SCN7A: variants seen among roughly 807,000 people sequenced by gnomAD.
The protein encoded by SCN7A is sodium voltage-gated channel alpha subunit 7.
In SCN7A, 138 loss-of-function variants were observed where a neutral mutation model predicts 155.2. The observed-to-expected ratio is 0.89, with a 90% CI of 0.77 to 1.02. SCN7A has a LOEUF of 1.02. SCN7A is among the 50% of genes least tolerant of loss of function. SCN7A has a pLI of 0.00. For synonymous variants in SCN7A, 693 were observed against 649.0 expected (o/e 1.07, Z -1.03); for missense variants, 2,058 against 1,986.6 (o/e 1.04, Z -0.68).
At chr2:166,461,463 A>T (rs1161302075) in intron 10 of SCN7A, among the ~76,000 whole-genome samples, 1 of 152,184 alleles carries the variant, frequency 6.6e-6, no homozygotes, top group African/African-American at 2.4e-5. Context: ...ACAGACTCTC[A>T]GAATTTGAAT....
intron 3 of SCN7A, among the ~76,000 whole-genome samples, chr2:166,476,763 C>G (rs1024872696): frequency 6.6e-6 from 1 of 152,074 alleles, no homozygotes; most frequent in Non-Finnish European, 1.5e-5. Context: ...ATCACTTTCT[C>G]TTTTCCTCCT....
At chr2:166,435,833 T>A (rs981821602) in intron 15 of SCN7A, among the ~76,000 whole-genome samples, 4 of 152,162 alleles carry the variant, frequency 2.6e-5, no homozygotes, top group African/African-American at 9.7e-5. Flanking sequence ...TTGGTTTATG[T>A]AACCAGTCAG....
At chr2:166,426,362 G>T (rs1242924342) in intron 18 of SCN7A, among the ~76,000 whole-genome samples, 1 of 152,046 alleles carries the variant, frequency 6.6e-6, no homozygotes, top group Non-Finnish European at 1.5e-5. Context: ...CCCCTAGCGG[G>T]TATTTGTGTT....
chr2:166,441,109 A>T, intron 15 of SCN7A: 2 of 423,590 alleles, frequency 4.7e-6, no homozygotes, highest in Non-Finnish European at 8.3e-6. Flanking sequence ...CATAAGGAGG[A>T]CCTACTATAT....
intron 14 of SCN7A, among the ~76,000 whole-genome samples, chr2:166,442,168 A>G (rs112967116): frequency 5.3e-4 from 81 of 152,328 alleles, no homozygotes; most frequent in African/African-American, 1.8e-3. Flanking sequence ...TGAAGGTACT[A>G]TCATGTATTT....
chr2:166,480,603 AAT>A (rs1702904141), intron 2 of SCN7A, among the ~76,000 whole-genome samples: 2 of 152,290 alleles, frequency 1.3e-5, no homozygotes, highest in Admixed American at 1.3e-4. Flanking sequence ...ATTATGATAA[AAT>A]ATAGTGATGC....
At chr2:166,455,641 T>A (rs1702257448) in intron 11 of SCN7A, among the ~76,000 whole-genome samples, 1 of 152,116 alleles carries the variant, frequency 6.6e-6, no homozygotes, top group South Asian at 2.1e-4. Context: ...CAAGCCTCAC[T>A]GTCACACAAT....
intron 21 of SCN7A, among the ~76,000 whole-genome samples, chr2:166,414,109 A>ATAAATATATATAATATATTATATATATG (rs1559088122): frequency 1.2e-5 from 1 of 84,956 alleles, no homozygotes; most frequent in Admixed American, 1.9e-4. Flanking sequence ...TATATTATAT[A>ATAAATATATATAATATATTATATATATG]TAAATATATA....
intron 17 of SCN7A, among the ~76,000 whole-genome samples, 170 bp from the exon 18 acceptor site, chr2:166,428,112 T>G (rs2105404034): frequency 6.6e-6 from 1 of 152,156 alleles, no homozygotes; most frequent in Non-Finnish European, 1.5e-5. Context: ...ACCACTGTAA[T>G]CCCTGAGCAG....
Position 166,456,910 on chromosome 2 carries a change from T to G in SCN7A, c.1250A>C (p.Gln417Pro). Residue 417 changes from glutamine (Q) to proline (P), a missense_variant, in exon 11 of 26, where the codon CAG becomes CCG. Physicochemically the swap from Gln to Pro is moderately conservative, Grantham distance 76 (BLOSUM62 -1). Transcript: ENST00000643258. Reference sequence around the variant, plus strand: ...TCCTTCTTGAAGTTCTTTTCCAGTCTGTTGAAATTTTGGTTCAATCTTCTT... The same window carrying G: ...TCCTTCTTGAAGTTCTTTTCCAGTCGGTTGAAATTTTGGTTCAATCTTCTT... ...ISKKIEPKFQ[Q>P]TGKELQEGNE... 6.4e-7 allele frequency: 1 copy of G among 1,555,694 alleles called. No individual in the cohort carries two copies. Among genetic ancestry groups the G allele is most frequent in the Non-Finnish European group, 8.7e-7 (1 of 1,148,976 alleles).
chr2:166,460,145 C>G (rs1702370082), intron 10 of SCN7A, among the ~76,000 whole-genome samples: 1 of 152,076 alleles, frequency 6.6e-6, no homozygotes, highest in African/African-American at 2.4e-5. Flanking sequence ...CAAACAAAAA[C>G]TTGGAGTACA....
rs1190756190 is a variant in SCN7A at position 166,421,305 on chromosome 2, T to TA, written c.3028-9_3028-8insT. 1 of 1,394,020 alleles carries TA rather than the reference T, an allele frequency of 7.2e-7. No homozygotes were observed. Among genetic ancestry groups the TA allele is most frequent in the Non-Finnish European group, 9.6e-7 (1 of 1,044,470 alleles). 86.4% of individuals were successfully genotyped at this position (1,394,020 alleles called of 1,614,324 possible). ...TAAGCTAAGACAAAACACCTATATA[T>TA]TTTTTTTAAAAAAAGAGTGAATAGG... On this transcript the variant is annotated splice_polypyrimidine_tract_variant and intron_variant, in intron 19 of 25. Transcript: ENST00000643258.
intron 22 of SCN7A, 85 bp downstream of exon 22, chr2:166,412,983 C>A: frequency 3.1e-6 from 3 of 966,900 alleles, no homozygotes; most frequent in Non-Finnish European, 4.7e-6. Context: ...GATTTCTATT[C>A]ATTATTACTG....
intron 15 of SCN7A, among the ~76,000 whole-genome samples, chr2:166,440,322 G>T (rs1701931754): frequency 6.6e-6 from 1 of 152,168 alleles, no homozygotes; most frequent in Admixed American, 6.5e-5. Context: ...AAGACTGACA[G>T]CAGTGTTACA....
chr2:166,405,639 T>C lies in SCN7A; in HGVS notation c.4990A>G (p.Lys1664Glu). The C allele has an allele frequency of 4.3e-6, 7 of 1,611,268 alleles. No individual in the cohort carries two copies. The highest frequency in any genetic ancestry group is 5.9e-6 in the Non-Finnish European group (7 of 1,178,660). The change falls in exon 26 of 26, where the codon AAA becomes GAA. Residue 1664 changes from lysine to glutamate, a missense_variant. Coordinates refer to ENST00000643258, the MANE Select transcript of SCN7A (RefSeq NM_002976.4). ...GCTTTGTCAAAATAGGCACCTTCTT[T>C]AGTAGCATGAACATCTCTGTCACCA... is the stretch of plus-strand genomic sequence containing the variant. ...IDGDRDVHATKEGAYFDKAKE... is the reference protein window; with the variant it reads ...IDGDRDVHATEEGAYFDKAKE...
rs2105466394 is a variant in SCN7A, at chr2:166,457,077, C to A, written c.1084-1G>T. The A allele has an allele frequency of 2.5e-6, 4 of 1,591,948 alleles. No homozygotes were observed. In the South Asian group the frequency reaches 4.6e-5, roughly 18 times the overall value. On this transcript the variant is annotated splice_acceptor_variant, in intron 10 of 25. Transcript: ENST00000643258. LOFTEE classifies it high-confidence loss of function. ...AGACCTTCCCAGAAGCATAAAGTAT[C>A]TAAGGAAAGGTAGAAAGTAAGGCAA...
At chr2:166,461,057 T>C (rs904747029) in intron 10 of SCN7A, among the ~76,000 whole-genome samples, 70 of 148,826 alleles carry the variant, frequency 4.7e-4, no homozygotes, top group African/African-American at 1.5e-3. Context: ...TCTTTTTTTT[T>C]TTTTTTTTTT....
chr2:166,435,006 A>G (rs565151115), intron 15 of SCN7A, among the ~76,000 whole-genome samples: 1 of 152,246 alleles, frequency 6.6e-6, no homozygotes, highest in African/African-American at 2.4e-5. Flanking sequence ...AGGAAATTAC[A>G]TCAAAGATTT....
chr2:166,477,240 T>C (rs887880463), intron 3 of SCN7A, among the ~76,000 whole-genome samples: 3 of 151,892 alleles, frequency 2.0e-5, no homozygotes, highest in Admixed American at 6.6e-5. Flanking sequence ...TGAAGTAGAG[T>C]AATCCAAAAT....
Sources: gnomAD v4.1 joint callset for allele counts (sites outside exome capture counted in the v4.1 genomes callset) on GRCh38, gnomAD v4.1.1 for gene constraint, MANE v1.5 for transcripts, NCBI Gene and HGNC (gene_info 2026-07-23, HGNC 2026-07-21) for gene names.